The following RGS6 variants were observed in gnomAD, a reference collection of about 807,000 sequenced individuals.
RGS6 encodes the protein regulator of G protein signaling 6.
RGS6 carries 30 observed loss-of-function variants against 78.5 expected under a neutral mutation model. That is an observed-to-expected ratio of 0.38 (90% confidence interval 0.29 to 0.52). The LOEUF is 0.52. RGS6 is among the 20% of genes least tolerant of loss of function. RGS6 has a pLI of 0.85. For synonymous variants in RGS6, 206 were observed against 206.0 expected, an observed-to-expected ratio of 1.00 and a Z score of 0.00; for missense variants, 495 against 609.7, an observed-to-expected ratio of 0.81 and a Z score of 1.98.
At chr14:72,122,148 T>G (rs772496320) in intron 2 of RGS6, among the ~76,000 whole-genome samples, 2 of 152,142 alleles carry the variant, frequency 1.3e-5, no homozygotes, top group Non-Finnish European at 2.9e-5. Flanking sequence ...GACCAATGCT[T>G]TGCATTATGA....
chr14:72,280,654 A>G (rs1489496950), intron 2 of RGS6, among the ~76,000 whole-genome samples: 1 of 152,254 alleles, frequency 6.6e-6, no homozygotes, highest in African/African-American at 2.4e-5. Flanking sequence ...CTTGCAAGGT[A>G]GTCAGAAGAG....
At chr14:72,353,208 C>T (rs1444569000) in intron 3 of RGS6, among the ~76,000 whole-genome samples, 1 of 152,178 alleles carries the variant, frequency 6.6e-6, no homozygotes, top group Admixed American at 6.5e-5. Context: ...CACCCAAGAG[C>T]AATGAAAACT....
intron 2 of RGS6, among the ~76,000 whole-genome samples, chr14:72,043,432 A>G (rs1041420058): frequency 6.6e-6 from 1 of 152,132 alleles, no homozygotes; most frequent in African/African-American, 2.4e-5. Flanking sequence ...ATTTGCTGGC[A>G]ATGAATTCCC....
intron 1 of RGS6, among the ~76,000 whole-genome samples, chr14:71,961,850 T>C (rs1203123682): frequency 1.3e-5 from 2 of 152,216 alleles, no homozygotes; most frequent in African/African-American, 4.8e-5. Flanking sequence ...ATTCTGTTTT[T>C]CTCTACCACT....
At chr14:72,549,348 G>A (rs566921013) in intron 17 of RGS6, among the ~76,000 whole-genome samples, 27 of 152,138 alleles carry the variant, frequency 1.8e-4, no homozygotes, top group African/African-American at 5.5e-4. Flanking sequence ...GGACACAGGC[G>A]CCCACTGGCA....
At chr14:72,540,396 CG>C (rs2097308620) in intron 17 of RGS6, 2 of 1,459,090 alleles carry the variant, frequency 1.4e-6, no homozygotes, top group Non-Finnish European at 1.8e-6. Context: ...CTGCTGCCCT[CG>C]GGGCTGTGCG....
intron 2 of RGS6, among the ~76,000 whole-genome samples, chr14:72,027,324 T>A (rs1359607204): frequency 6.6e-6 from 1 of 152,180 alleles, no homozygotes; most frequent in Non-Finnish European, 1.5e-5. Context: ...CAGGAGTGCC[T>A]CTTAGAGTCT....
intron 2 of RGS6, among the ~76,000 whole-genome samples, chr14:72,040,020 C>T (rs541900180): frequency 1.3e-5 from 2 of 152,122 alleles, no homozygotes; most frequent in African/African-American, 4.8e-5. Flanking sequence ...ACCAATCTTT[C>T]AAATTATACC....
the RGS6 span, among the ~76,000 whole-genome samples, chr14:71,902,555 G>T: frequency 6.6e-6 from 1 of 151,944 alleles, no homozygotes; most frequent in African/African-American, 2.4e-5. Context: ...TCTCAGAGAG[G>T]TGTCTGTTTG....
At chr14:72,523,469 T>C (rs1379841663) in intron 15 of RGS6, among the ~76,000 whole-genome samples, 1 of 152,178 alleles carries the variant, frequency 6.6e-6, no homozygotes, top group Admixed American at 6.5e-5. Context: ...TTAATATTAG[T>C]GCTCAGTAGC....
In RGS6 at chr14:72,552,262, A is replaced by G. The variant is rs553642022; in HGVS notation, c.1423-10155A>G. Among the ~76,000 whole-genome samples, 3 of 152,278 alleles carry G rather than the reference A, an allele frequency of 2.0e-5. No homozygotes were observed. The South Asian group carries it at 6.2e-4, about 32-fold the overall frequency. On this transcript the variant is annotated intron_variant, in intron 17 of 17. Transcript: ENST00000553525. Reference sequence around the variant, plus strand: ...CAACTCAGAGAGTTAGTTTTTCTGCATTTCCTGGAAATGAAGGGACTGTGG... The same window carrying G: ...CAACTCAGAGAGTTAGTTTTTCTGCGTTTCCTGGAAATGAAGGGACTGTGG...
At position 72,470,025 on chromosome 14, in the gene RGS6, C is replaced by T. The variant is rs2096030704; in HGVS notation, c.478C>T (p.Gln160Ter). The change falls in exon 8 of 18, where the codon CAG becomes TAG. Residue 160 changes from glutamine (Q) to a stop codon, truncating the protein, a stop_gained. Transcript: ENST00000553525. LOFTEE classifies it high-confidence loss of function. ...DYEAENLARL[Q>*]RAFARKWEFI... ...TCATTAGGAAAACTTAGCAAGACTC[C>T]AGAGGGCCTTTGCGAGGAAGTGGGA... 1 of 1,613,250 alleles carries T rather than the reference C, an allele frequency of 6.2e-7. No individual in the cohort carries two copies. The highest frequency in any genetic ancestry group is 8.5e-7 in the Non-Finnish European group (1 of 1,179,686).
intron 2 of RGS6, among the ~76,000 whole-genome samples, chr14:72,203,592 T>C (rs1331316268): frequency 6.6e-6 from 1 of 152,172 alleles, no homozygotes; most frequent in African/African-American, 2.4e-5. Flanking sequence ...AAATCCATCA[T>C]GGCTGTTGGC....
intron 1 of RGS6, among the ~76,000 whole-genome samples, chr14:71,954,519 A>G (rs553552283): frequency 6.6e-6 from 1 of 152,206 alleles, no homozygotes; most frequent in Non-Finnish European, 1.5e-5. Context: ...GCAATGCATA[A>G]TAACCACATC....
intron 1 of RGS6, among the ~76,000 whole-genome samples, chr14:71,936,833 G>T (rs546103952): frequency 6.6e-6 from 1 of 152,338 alleles, no homozygotes; most frequent in Non-Finnish European, 1.5e-5. Flanking sequence ...ATTACAGTCT[G>T]TTTCTGCAGC....
At chr14:72,539,790 G>GAAGCAAAGCCCCCCTC (rs2097297376) in intron 16 of RGS6, among the ~76,000 whole-genome samples, 1 of 152,002 alleles carries the variant, frequency 6.6e-6, no homozygotes. Context: ...ATGGCCCCCG[G>GAAGCAAAGCCCCCCTC]AGAAGCAAAG....
In RGS6 at chr14:72,164,540, G is replaced by A. The variant is rs115388043; in HGVS notation, c.85-187555G>A. On this transcript the variant is annotated intron_variant, in intron 2 of 17. Coordinates refer to ENST00000553525, the MANE Select transcript of RGS6 (RefSeq NM_001204424.2). ...AAGGGAATCACCTCATGGAATCTTCGCCACAACCCATTGATATGGGGATTA... is the reference window on the plus strand; with the variant it reads ...AAGGGAATCACCTCATGGAATCTTCACCACAACCCATTGATATGGGGATTA... Among the ~76,000 whole-genome samples the A allele has an allele frequency of 4.7e-3, 711 of 152,228 alleles. 8 individuals carry two copies. The highest frequency in any genetic ancestry group is 0.016 in the African/African-American group (653 of 41,544).
At chr14:72,276,695 A>G (rs889870266) in intron 2 of RGS6, among the ~76,000 whole-genome samples, 18 of 151,600 alleles carry the variant, frequency 1.2e-4, no homozygotes, top group Non-Finnish European at 2.1e-4. Flanking sequence ...TTCACTTCTC[A>G]TTTTCCTTCT....
At chr14:72,552,967 T>C (rs2097527447) in intron 17 of RGS6, among the ~76,000 whole-genome samples, 1 of 152,212 alleles carries the variant, frequency 6.6e-6, no homozygotes, top group Non-Finnish European at 1.5e-5. Flanking sequence ...AAACAAGCGA[T>C]TGCCTGTGCA....
Sources: allele counts gnomAD v4.1 joint callset (sites outside exome capture counted in the v4.1 genomes callset), GRCh38; gene constraint gnomAD v4.1.1; transcripts MANE v1.5; gene names NCBI Gene and HGNC (gene_info 2026-07-23, HGNC 2026-07-21).